Variants in TRIOBP observed in about 807,000 individuals in gnomAD.
The protein encoded by TRIOBP is TRIO and F-actin-binding protein.
Under a neutral mutation model 238.8 loss-of-function variants are expected in TRIOBP, and 169 were observed. The ratio of observed to expected loss-of-function variants is 0.71; its 90% confidence interval spans 0.62 to 0.80. The LOEUF (loss-of-function observed/expected upper bound fraction) is 0.80. Ranked by LOEUF, TRIOBP falls within the 30% of genes least tolerant of loss-of-function variation. TRIOBP has a pLI of 0.00. For missense variants in TRIOBP, 2,838 were observed against 3,122.6 expected, an observed-to-expected ratio of 0.91 and a Z score of 2.17; for synonymous variants, 1,150 against 1,274.4, an observed-to-expected ratio of 0.90 and a Z score of 2.08.
chr22:37,748,152 G>T (rs142249272), intron 11 of TRIOBP, among the ~76,000 whole-genome samples: 3,148 of 152,260 alleles, frequency 0.021, 155 homozygotes, highest in Admixed American at 0.12. Context: ...TTGGACAGGG[G>T]CAATAGAGAG....
At chr22:37,704,407 CAGAACAGAACAGAACAGAACAGAACAGA>C (rs1922820746) in intron 3 of TRIOBP, among the ~76,000 whole-genome samples, 1 of 25,908 alleles carries the variant, frequency 3.9e-5, no homozygotes, top group Non-Finnish European at 1.7e-4. Context: ...CAGAACAGAA[CAGAACAGAACAGAACAGAACAGAACAGA>C]ACAGTACAGA....
Position 37,726,082 on chromosome 22 carries a change from TC to T in TRIOBP, c.3530del (p.Pro1177HisfsTer36). On this transcript the variant is annotated frameshift_variant, in exon 7 of 24. Transcript: ENST00000644935. LOFTEE classifies it high-confidence loss of function. Reference protein sequence around the residue: ...IGHRDAPSFSSPPRQAPEPSL... With the variant: ...IGHRDAPSFSXPPRQAPEPSL... ...GCACCGGGATGCACCCTCCTTCTCA[TC>T]CCCACCACGCCAGGCTCCTGAGCCA... is the stretch of plus-strand genomic sequence containing the variant. 6.4e-7 allele frequency: 1 copy of T among 1,556,248 alleles called. No individual in the cohort carries two copies. Among genetic ancestry groups the T allele is most frequent in the Non-Finnish European group, 8.7e-7 (1 of 1,145,780 alleles).
chr22:37,753,716 A>G (rs1925753526), intron 12 of TRIOBP, among the ~76,000 whole-genome samples: 1 of 152,246 alleles, frequency 6.6e-6, no homozygotes, highest in African/African-American at 2.4e-5. Context: ...GCAATGTGGA[A>G]AGAAGCAGAA....
intron 3 of TRIOBP, among the ~76,000 whole-genome samples, chr22:37,707,538 A>T (rs11704737): frequency 0.24 from 37,166 of 151,742 alleles, 5,471 homozygotes; most frequent in South Asian, 0.4. Flanking sequence ...GTCTCCAGGG[A>T]CCAAATTTAG....
intron 5 of TRIOBP, among the ~76,000 whole-genome samples, chr22:37,715,437 G>C (rs577790266): frequency 6.6e-6 from 1 of 152,044 alleles, no homozygotes; most frequent in Non-Finnish European, 1.5e-5. Flanking sequence ...CCACCTCCCA[G>C]GTTCACACCA....
intron 5 of TRIOBP, among the ~76,000 whole-genome samples, chr22:37,714,856 T>A (rs968630667): frequency 1.8e-4 from 27 of 152,008 alleles, no homozygotes; most frequent in African/African-American, 6.3e-4. Context: ...TTATTTTTTT[T>A]AATTTTGTAG....
At chr22:37,700,715 G>C (rs1025987875) in intron 2 of TRIOBP, among the ~76,000 whole-genome samples, 1 of 151,940 alleles carries the variant, frequency 6.6e-6, no homozygotes, top group Non-Finnish European at 1.5e-5. Context: ...GTTTTGAGAT[G>C]AAGTCTCACT....
chr22:37,719,989 C>CACACTGCACTCACTGTTTCACCCAT (rs367687004), intron 6 of TRIOBP, among the ~76,000 whole-genome samples: 8 of 71,202 alleles, frequency 1.1e-4, no homozygotes, highest in Admixed American at 1.7e-4. Context: ...TTTCACTCAT[C>CACACTGCACTCACTGTTTCACCCAT]CCCCCCCGCC....
chr22:37,737,031 CCAAT>C (rs1490912163), intron 9 of TRIOBP, among the ~76,000 whole-genome samples: 1 of 152,192 alleles, frequency 6.6e-6, no homozygotes, highest in East Asian at 1.9e-4. Flanking sequence ...AGTTGACCCT[CCAAT>C]CAACTCAATG....
intron 11 of TRIOBP, among the ~76,000 whole-genome samples, chr22:37,748,634 C>T (rs1298512435): frequency 2.0e-5 from 3 of 152,116 alleles, no homozygotes; most frequent in African/African-American, 4.8e-5. Context: ...TGTGCTGGGT[C>T]CTGGCAGGTA....
Position 37,724,533 on chromosome 22 carries a change from A to C in TRIOBP, c.1977A>C (p.Arg659Ser). 2 of 1,599,490 alleles carry C rather than the reference A, an allele frequency of 1.3e-6. No individual in the cohort carries two copies. Among genetic ancestry groups the C allele is most frequent in the Non-Finnish European group, 1.7e-6 (2 of 1,173,752 alleles). Residue 659 changes from arginine (R) to serine (S), a missense_variant, in exon 7 of 24, where the codon AGA becomes AGC. Transcript: ENST00000644935. ...CCTGTGCCCGACGGGACGATCCCAGAGCCTCCTCTCCTAACAGAACCATCC... is the reference window on the plus strand; with the variant it reads ...CCTGTGCCCGACGGGACGATCCCAGCGCCTCCTCTCCTAACAGAACCATCC... ...RTSCARRDDPRASSPNRTIQQ... is the reference protein window; with the variant it reads ...RTSCARRDDPSASSPNRTIQQ...
chr22:37,773,435 G>C (rs1926883645), intron 23 of TRIOBP, among the ~76,000 whole-genome samples: 1 of 152,040 alleles, frequency 6.6e-6, no homozygotes, highest in Non-Finnish European at 1.5e-5. Flanking sequence ...TCCCAGGCTG[G>C]TCTCGAACTC....
intron 6 of TRIOBP, among the ~76,000 whole-genome samples, chr22:37,721,883 G>A (rs548622790): frequency 5.9e-5 from 9 of 152,314 alleles, no homozygotes; most frequent in South Asian, 2.1e-4. Flanking sequence ...CTTGGTGACC[G>A]AGGGATTGAG....
At chr22:37,716,057 AAC>A in intron 6 of TRIOBP, 123 bp downstream of exon 6, 1 of 965,842 alleles carries the variant, frequency 1.0e-6, no homozygotes, top group South Asian at 1.4e-5. Flanking sequence ...TAATAATAGT[AAC>A]AGTTTGCATG....
At chr22:37,766,128 G>T (rs191583816) in intron 18 of TRIOBP, among the ~76,000 whole-genome samples, 5 of 152,186 alleles carry the variant, frequency 3.3e-5, no homozygotes, top group South Asian at 2.1e-4. Flanking sequence ...CCACGTGCGT[G>T]GGGGAGAGGC....
chr22:37,768,134 G>A lies in TRIOBP; in HGVS notation c.6533G>A (p.Arg2178Gln), dbSNP rs1217762243. ...CTGAGCCGAGAGCTGAGCAAAACAC[G>A]GAGTCTCCAGCAGGGCCCGGATGGC... ...EELSRELSKT[R>Q]SLQQGPDGLR... Residue 2178 changes from arginine (R) to glutamine (Q), a missense_variant, in exon 19 of 24, where the codon CGG (arginine) becomes CAG (glutamine). Around this residue, in one of 5 missense-constraint regions of TRIOBP, gnomAD observed 2,096 missense variants for 2,137.4 expected, o/e 0.98. Coordinates refer to ENST00000644935, the MANE Select transcript of TRIOBP (RefSeq NM_001039141.3). The A allele has an allele frequency of 8.7e-6, 14 of 1,613,484 alleles. No homozygotes were observed. Among genetic ancestry groups the A allele is most frequent in the East Asian group, 4.5e-5 (2 of 44,870 alleles).
Position 37,715,774 on chromosome 22 carries a change from T to C in TRIOBP, c.468T>C (p.Thr156=), listed in dbSNP as rs773069654. 6.2e-7 allele frequency: 1 copy of C among 1,613,954 alleles called. No homozygotes were observed. The highest frequency in any genetic ancestry group is 8.5e-7 in the Non-Finnish European group (1 of 1,180,008). The change falls in exon 6 of 24, where the codon ACT becomes ACC. Residue 156 remains threonine, a synonymous_variant. Coordinates refer to ENST00000644935, the MANE Select transcript of TRIOBP (RefSeq NM_001039141.3). ...CCCTTCTCTGGCAGGACTGGGACAC[T>C]GTTGAGAGGCAGGAGGAGGAGGCCC... ...TSNSSSVDWD[T]VERQEEEAPS...
intron 17 of TRIOBP, 153 bp downstream of exon 17, chr22:37,759,417 C>T (rs376167819): frequency 1.5e-6 from 2 of 1,297,514 alleles, no homozygotes; most frequent in Non-Finnish European, 2.2e-6. Context: ...CTCCCCACAG[C>T]TGGTGGGCGT....
At chr22:37,746,332 G>A in intron 11 of TRIOBP, 4 of 1,159,132 alleles carry the variant, frequency 3.5e-6, no homozygotes, top group Non-Finnish European at 4.2e-6. Context: ...GGCGGCGGCG[G>A]CGGGGTTCCC....
Sources: allele counts gnomAD v4.1 joint callset (sites outside exome capture counted in the v4.1 genomes callset), GRCh38; gene constraint gnomAD v4.1.1; regional missense constraint gnomAD v4.1.1; transcripts MANE v1.5; gene names NCBI Gene and HGNC (gene_info 2026-07-23, HGNC 2026-07-21).